The following PSMG2 variants were observed in gnomAD, a reference collection of about 807,000 sequenced individuals.
PSMG2 encodes the protein proteasome assembly chaperone 2.
In PSMG2, 21 loss-of-function variants were observed where a neutral mutation model predicts 31.5. The ratio of observed to expected loss-of-function variants is 0.67; its 90% CI spans 0.47 to 0.96. The LOEUF is 0.96. Among genes scored for constraint, PSMG2 ranks in the 40% least tolerant of loss-of-function variants. The pLI is 0.00. For missense variants in PSMG2, 318 were observed against 321.2 expected, an observed-to-expected ratio of 0.99 and a Z score of 0.08; for synonymous variants, 120 against 110.4, an observed-to-expected ratio of 1.09 and a Z score of -0.54.
chr18:12,712,856 C>G, intron 3 of PSMG2, 96 bp downstream of exon 3: 1 of 902,152 alleles, frequency 1.1e-6, no homozygotes, highest in Non-Finnish European at 1.8e-6. Context: ...ACTGTTTTTA[C>G]CATATGTACA....
chr18:12,678,521 A>G, intron 1 of PSMG2: 1 of 919,232 alleles, frequency 1.1e-6, no homozygotes. Flanking sequence ...TTATTCTAAC[A>G]CTTAAGGCCA....
chr18:12,671,653 T>C (rs1338312684), intron 1 of PSMG2, among the ~76,000 whole-genome samples: 1 of 141,746 alleles, frequency 7.1e-6, no homozygotes, highest in Non-Finnish European at 1.5e-5. Context: ...TTTTTTTTTT[T>C]TTTTTTTTTT....
chr18:12,675,958 C>T lies in PSMG2; in HGVS notation c.-37+17185C>T, dbSNP rs565188959. Among the ~76,000 whole-genome samples the T allele has an allele frequency of 4.3e-4, 65 of 152,070 alleles. 1 individual carries two copies. The South Asian group carries it at 6.0e-3, about 14-fold the overall frequency. ...TGCTGGGATTACAGGCATAAGCCACCGTGCCCAGCCCATGATTCCATTTAT... is the reference window on the plus strand; with the variant it reads ...TGCTGGGATTACAGGCATAAGCCACTGTGCCCAGCCCATGATTCCATTTAT... On this transcript the variant is annotated intron_variant, in intron 1 of 6. Transcript: ENST00000585331.
rs577084466 is a variant in PSMG2 at position 12,725,216 on chromosome 18, A to T, written c.703-223A>T. On this transcript the variant is annotated intron_variant, in intron 6 of 6. Coordinates refer to ENST00000317615, the MANE Select transcript of PSMG2 (RefSeq NM_020232.5). ...TTTTGAATGTGATTTTCCCTAATAA[A>T]CTTCATCTACAGCCTTTCTGGCATA... Among the ~76,000 whole-genome samples the T allele has an allele frequency of 2.4e-4, 36 of 152,108 alleles. 1 individual carries two copies. Among genetic ancestry groups the T allele is most frequent in the Non-Finnish European group, 5.0e-4 (34 of 68,022 alleles).
At chr18:12,673,043 C>G (rs989212461) in intron 1 of PSMG2, 2 of 1,018,782 alleles carry the variant, frequency 2.0e-6, no homozygotes, top group Non-Finnish European at 1.2e-6. Context: ...CTTTGATTAC[C>G]TGTTTGTGTA....
intron 1 of PSMG2, among the ~76,000 whole-genome samples, chr18:12,677,655 C>A (rs539130011): frequency 5.3e-5 from 8 of 152,048 alleles, no homozygotes; most frequent in Non-Finnish European, 1.2e-4. Flanking sequence ...GATGATGTTT[C>A]ACCATATTCC....
intron 1 of PSMG2, among the ~76,000 whole-genome samples, chr18:12,681,256 A>ATTTT (rs34816720): frequency 9.5e-5 from 11 of 115,352 alleles, no homozygotes; most frequent in Non-Finnish European, 1.4e-4. Context: ...AAAGTAGAAC[A>ATTTT]TTTTTTTTTT....
chr18:12,679,582 G>A (rs965493110), intron 1 of PSMG2, among the ~76,000 whole-genome samples: 2 of 152,122 alleles, frequency 1.3e-5, no homozygotes, highest in African/African-American at 4.8e-5. Flanking sequence ...GCTCTTAGCT[G>A]AACTAAGGAA....
chr18:12,662,181 C>G, intron 1 of PSMG2: 1 of 433,174 alleles, frequency 2.3e-6, no homozygotes, highest in Non-Finnish European at 4.6e-6. Context: ...TAGAAAAGTG[C>G]ACCAGAAAGG....
intron 1 of PSMG2, among the ~76,000 whole-genome samples, chr18:12,690,946 C>A (rs570123215): frequency 5.9e-5 from 9 of 151,434 alleles, no homozygotes; most frequent in East Asian, 1.9e-4. Context: ...AGAGCCCCCC[C>A]CCGTTCTGCA....
intron 1 of PSMG2, chr18:12,661,696 A>C (rs1684913354): frequency 6.6e-6 from 1 of 152,122 alleles, no homozygotes. Flanking sequence ...AATCGCTTGA[A>C]CCCAGGAAGT....
At chr18:12,666,922 C>T (rs1204553595) in intron 1 of PSMG2, among the ~76,000 whole-genome samples, 2 of 151,898 alleles carry the variant, frequency 1.3e-5, no homozygotes, top group Non-Finnish European at 2.9e-5. Flanking sequence ...AAAAGTAAAT[C>T]TTATTCATAA....
chr18:12,714,053 C>T (rs927639332), intron 3 of PSMG2, among the ~76,000 whole-genome samples: 2 of 152,126 alleles, frequency 1.3e-5, no homozygotes, highest in Non-Finnish European at 2.9e-5. Context: ...AGTCCAAACT[C>T]AAGAATTTGT....
chr18:12,711,300 T>TG (rs1244860990), intron 2 of PSMG2, among the ~76,000 whole-genome samples: 1 of 151,992 alleles, frequency 6.6e-6, no homozygotes, highest in Non-Finnish European at 1.5e-5. Flanking sequence ...GATACGCTGA[T>TG]GAGGAGAGTA....
At chr18:12,692,362 T>C (rs2145075598) in intron 1 of PSMG2, 1 of 151,988 alleles carries the variant, frequency 6.6e-6, no homozygotes, top group Middle Eastern at 3.4e-3. Context: ...AACACTTCAT[T>C]CTCCATCACA....
intron 1 of PSMG2, chr18:12,697,495 A>G (rs2039997671): frequency 3.4e-6 from 3 of 886,308 alleles, no homozygotes; most frequent in Admixed American, 6.2e-5. Flanking sequence ...ACAGTAAATA[A>G]TAAGCTTATA....
At chr18:12,663,823 G>GC (rs1240723908) in intron 1 of PSMG2, among the ~76,000 whole-genome samples, 1 of 152,150 alleles carries the variant, frequency 6.6e-6, no homozygotes, top group Non-Finnish European at 1.5e-5. Flanking sequence ...TGGATGGAGT[G>GC]CAGTGGTGCG....
At chr18:12,705,445 G>C (rs949523996) in intron 1 of PSMG2, among the ~76,000 whole-genome samples, 1 of 152,068 alleles carries the variant, frequency 6.6e-6, no homozygotes, top group Non-Finnish European at 1.5e-5. Context: ...AGTTTCCTGT[G>C]ACCTAACCAT....
chr18:12,703,422 C>T (rs1315378208), intron 1 of PSMG2, among the ~76,000 whole-genome samples: 2 of 152,204 alleles, frequency 1.3e-5, no homozygotes, highest in African/African-American at 2.4e-5. Flanking sequence ...TTCGTACGTT[C>T]TAGATACACT....
Sources: gnomAD v4.1 joint callset for allele counts (sites outside exome capture counted in the v4.1 genomes callset) on GRCh38, gnomAD v4.1.1 for gene constraint, MANE v1.5 for transcripts, NCBI Gene and HGNC (gene_info 2026-07-23, HGNC 2026-07-21) for gene names.